The following SGCZ variants were observed in gnomAD, a reference collection of about 807,000 sequenced individuals.
SGCZ encodes the protein zeta-sarcoglycan.
In SGCZ, 40 loss-of-function variants were observed where a neutral mutation model predicts 41.3. The ratio of observed to expected loss-of-function variants is 0.97; its 90% CI spans 0.75 to 1.26. The LOEUF (loss-of-function observed/expected upper bound fraction) is 1.26, where lower values mean the gene tolerates loss of function less well. Among genes scored for constraint, SGCZ ranks in the 50% most tolerant of loss-of-function variants. The pLI, the probability that SGCZ is intolerant of heterozygous loss-of-function variation, is 0.00. For synonymous variants in SGCZ, 206 were observed against 137.5 expected, an observed-to-expected ratio of 1.50 and a Z score of -3.49; for missense variants, 552 against 369.8, an observed-to-expected ratio of 1.49 and a Z score of -4.04.
At chr8:14,968,010 T>A (rs1317951647) in intron 1 of SGCZ, among the ~76,000 whole-genome samples, 4 of 152,280 alleles carry the variant, frequency 2.6e-5, no homozygotes, top group African/African-American at 9.6e-5. Flanking sequence ...AATAAAAACA[T>A]CTTGTACAAA....
At chr8:15,222,295 G>A (rs764726020) in intron 1 of SGCZ, among the ~76,000 whole-genome samples, 1 of 151,984 alleles carries the variant, frequency 6.6e-6, no homozygotes, top group East Asian at 1.9e-4. Flanking sequence ...TCCAACTTGG[G>A]TCAGGCATTT....
At chr8:14,310,144 G>A (rs1257515298) in intron 3 of SGCZ, among the ~76,000 whole-genome samples, 1 of 152,004 alleles carries the variant, frequency 6.6e-6, no homozygotes, top group Non-Finnish European at 1.5e-5. Context: ...TCTTTTTACA[G>A]CATTGTCTTT....
intron 1 of SGCZ, among the ~76,000 whole-genome samples, chr8:14,627,857 T>C (rs1347818887): frequency 3.9e-5 from 6 of 152,118 alleles, no homozygotes; most frequent in African/African-American, 1.4e-4. Context: ...TATTGACTTA[T>C]TTCAGGAGTA....
At chr8:14,161,197 C>T (rs1458583121) in intron 5 of SGCZ, 8 of 152,180 alleles carry the variant, frequency 5.3e-5, no homozygotes, top group South Asian at 2.1e-4. Context: ...TCAATCTTAA[C>T]GCTCTAAATC....
chr8:14,420,582 C>G (rs1008269961), intron 2 of SGCZ, among the ~76,000 whole-genome samples: 1 of 151,918 alleles, frequency 6.6e-6, no homozygotes, highest in African/African-American at 2.4e-5. Flanking sequence ...CAACAGATAC[C>G]AAAATGATCC....
intron 1 of SGCZ, among the ~76,000 whole-genome samples, chr8:14,998,713 T>C (rs1011677796): frequency 6.6e-6 from 1 of 152,238 alleles, no homozygotes; most frequent in Non-Finnish European, 1.5e-5. Flanking sequence ...TTTGGTCCTG[T>C]ATAGAGTTGC....
At chr8:14,256,900 C>G (rs1799484481) in intron 3 of SGCZ, among the ~76,000 whole-genome samples, 1 of 152,138 alleles carries the variant, frequency 6.6e-6, no homozygotes, top group Admixed American at 6.5e-5. Flanking sequence ...ATTCCTCTCA[C>G]CATTACGGCC....
At chr8:15,197,893 C>T (rs780473778) in intron 1 of SGCZ, among the ~76,000 whole-genome samples, 18 of 151,398 alleles carry the variant, frequency 1.2e-4, no homozygotes, top group Non-Finnish European at 2.4e-4. Context: ...TATACACACA[C>T]ACACACATTC....
chr8:14,096,937 C>A (rs10089469), intron 7 of SGCZ, among the ~76,000 whole-genome samples: 7 of 151,890 alleles, frequency 4.6e-5, no homozygotes, highest in African/African-American at 1.7e-4. Flanking sequence ...ACTGTGGGAT[C>A]GGTGGTGATA....
chr8:14,942,836 A>G (rs1404687195), intron 1 of SGCZ, among the ~76,000 whole-genome samples: 2 of 152,142 alleles, frequency 1.3e-5, no homozygotes, highest in Admixed American at 6.6e-5. Flanking sequence ...ACTTAACTGT[A>G]TAAAAGGCCA....
chr8:14,421,127 T>A (rs1799625334), intron 2 of SGCZ, among the ~76,000 whole-genome samples: 1 of 152,142 alleles, frequency 6.6e-6, no homozygotes, highest in African/African-American at 2.4e-5. Flanking sequence ...CTTAACAAAT[T>A]TGTGAGAGGA....
At chr8:14,832,600 A>T (rs771269914) in intron 1 of SGCZ, among the ~76,000 whole-genome samples, 25 of 152,184 alleles carry the variant, frequency 1.6e-4, no homozygotes, top group Non-Finnish European at 2.2e-4. Context: ...ATATGATTTT[A>T]TTTTAAAAAA....
At chr8:14,850,663 AC>A (rs1803282236) in intron 1 of SGCZ, among the ~76,000 whole-genome samples, 1 of 152,162 alleles carries the variant, frequency 6.6e-6, no homozygotes. Flanking sequence ...GGCTTTGTGT[AC>A]CCACCCAAAT....
chr8:14,783,832 T>G (rs1033413826), intron 1 of SGCZ, among the ~76,000 whole-genome samples: 1 of 152,156 alleles, frequency 6.6e-6, no homozygotes, highest in Non-Finnish European at 1.5e-5. Context: ...TCAAAAATCA[T>G]TTATGTTGCT....
At chr8:14,217,627 A>ATT (rs1806045563) in intron 4 of SGCZ, among the ~76,000 whole-genome samples, 1 of 142,008 alleles carries the variant, frequency 7.0e-6, no homozygotes. Context: ...ATTCAACTAA[A>ATT]GTTTTTTTTT....
At chr8:14,353,698 A>G (rs558740871) in intron 2 of SGCZ, among the ~76,000 whole-genome samples, 5 of 152,158 alleles carry the variant, frequency 3.3e-5, no homozygotes, top group Admixed American at 6.6e-5. Context: ...ATAACCTTCT[A>G]ACTGGTCTTC....
chr8:15,132,930 C>G (rs1042725525), intron 1 of SGCZ, among the ~76,000 whole-genome samples: 1 of 152,036 alleles, frequency 6.6e-6, no homozygotes, highest in African/African-American at 2.4e-5. Context: ...TGCATGAGCC[C>G]AAGAGTTCAA....
intron 1 of SGCZ, among the ~76,000 whole-genome samples, chr8:15,055,554 C>T (rs1034570144): frequency 1.2e-4 from 18 of 152,158 alleles, no homozygotes; most frequent in East Asian, 3.9e-4. Context: ...CATGGAAGCA[C>T]GAACCATTTC....
intron 4 of SGCZ, among the ~76,000 whole-genome samples, chr8:14,190,912 A>G (rs935257205): frequency 1.8e-4 from 28 of 152,114 alleles, no homozygotes; most frequent in Admixed American, 3.3e-4. Flanking sequence ...AATTTATTTA[A>G]GAATATCCTT....
Sources: gnomAD v4.1 joint callset for allele counts (sites outside exome capture counted in the v4.1 genomes callset) on GRCh38, gnomAD v4.1.1 for gene constraint, MANE v1.5 for transcripts, NCBI Gene and HGNC (gene_info 2026-07-23, HGNC 2026-07-21) for gene names.